Variants in MICAL3 observed in about 807,000 individuals in gnomAD.
MICAL3 encodes the protein [F-actin]-monooxygenase MICAL3.
MICAL3 carries 62 observed loss-of-function variants against 207.4 expected under a neutral mutation model. The ratio of observed to expected loss-of-function variants is 0.30; its 90% CI spans 0.24 to 0.37. MICAL3 has a LOEUF of 0.37. Ranked by LOEUF, MICAL3 falls within the 10% of genes least tolerant of loss-of-function variation. The pLI is 1.00. For synonymous variants in MICAL3, 1,077 were observed against 1,069.3 expected, an observed-to-expected ratio of 1.01 and a Z score of -0.14; for missense variants, 2,368 against 2,635.6, an observed-to-expected ratio of 0.90 and a Z score of 2.22.
At chr22:17,941,760 G>A (rs904865535) in intron 1 of MICAL3, among the ~76,000 whole-genome samples, 2 of 152,162 alleles carry the variant, frequency 1.3e-5, no homozygotes, top group Non-Finnish European at 2.9e-5. Context: ...AATCACTGAC[G>A]AACTTTAAAA....
intron 11 of MICAL3, among the ~76,000 whole-genome samples, chr22:17,893,521 G>GT (rs1376621794): frequency 2.0e-5 from 3 of 152,090 alleles, no homozygotes; most frequent in Non-Finnish European, 4.4e-5. Flanking sequence ...CTGTGCTCTC[G>GT]TAACACCTCA....
chr22:17,849,912 C>T (rs773608216), intron 19 of MICAL3, among the ~76,000 whole-genome samples: 2 of 151,740 alleles, frequency 1.3e-5, no homozygotes, highest in South Asian at 2.1e-4. Context: ...AGGCTGGTCT[C>T]GAACTCCTGA....
chr22:17,956,995 T>C (rs1311612338), intron 1 of MICAL3, among the ~76,000 whole-genome samples: 1 of 152,232 alleles, frequency 6.6e-6, no homozygotes, highest in Non-Finnish European at 1.5e-5. Flanking sequence ...TGTGTGGGTC[T>C]TCCTGAAAGA....
intron 1 of MICAL3, among the ~76,000 whole-genome samples, chr22:17,909,303 C>T (rs779906041): frequency 2.0e-5 from 3 of 152,082 alleles, no homozygotes; most frequent in Non-Finnish European, 4.4e-5. Flanking sequence ...GTGGGTGAAT[C>T]ACTTGAGGTC....
At chr22:17,922,591 G>C (rs142097362) in intron 1 of MICAL3, among the ~76,000 whole-genome samples, 1 of 152,140 alleles carries the variant, frequency 6.6e-6, no homozygotes, top group South Asian at 2.1e-4. Context: ...AAGCTCCCAA[G>C]AGTTAGAATG....
At chr22:17,963,658 A>C (rs1935019207) in intron 1 of MICAL3, among the ~76,000 whole-genome samples, 2 of 152,174 alleles carry the variant, frequency 1.3e-5, no homozygotes, top group Admixed American at 1.3e-4. Context: ...AACGTGCTCC[A>C]TAAGCCATAG....
At chr22:17,996,500 C>G (rs1922294295) in intron 1 of MICAL3, among the ~76,000 whole-genome samples, 1 of 151,726 alleles carries the variant, frequency 6.6e-6, no homozygotes, top group African/African-American at 2.4e-5. Context: ...GTTTCCTGGT[C>G]ATTCTTCCCA....
At chr22:17,899,396 T>G in intron 7 of MICAL3, 52 bp downstream of exon 7, 1 of 1,154,974 alleles carries the variant, frequency 8.7e-7, no homozygotes, top group Non-Finnish European at 1.3e-6. Flanking sequence ...TTTCTCTTGG[T>G]GATATTAACC....
At chr22:17,840,563 TTGCTGCCCCAC>T (rs1923909878) in intron 20 of MICAL3, 1 of 152,260 alleles carries the variant, frequency 6.6e-6, no homozygotes. Flanking sequence ...TTACATGAAC[TTGCTGCCCCAC>T]TGCCTCTCAC....
chr22:17,894,514 G>A (rs1569120682), intron 10 of MICAL3, among the ~76,000 whole-genome samples: 1 of 151,898 alleles, frequency 6.6e-6, no homozygotes, highest in Non-Finnish European at 1.5e-5. Context: ...AAGGCCTAAA[G>A]GTATAAACTT....
intron 19 of MICAL3, among the ~76,000 whole-genome samples, chr22:17,854,048 A>G (rs1227874297): frequency 6.6e-6 from 1 of 152,100 alleles, no homozygotes; most frequent in Non-Finnish European, 1.5e-5. Flanking sequence ...CTCTATCCTG[A>G]TGGCCTCCTC....
chr22:17,978,946 C>T (rs5992940), intron 1 of MICAL3, among the ~76,000 whole-genome samples: 4,326 of 150,850 alleles, frequency 0.029, 165 homozygotes, highest in African/African-American at 0.086. Context: ...GAGGCCAAGG[C>T]GGGAGGACTG....
chr22:18,007,232 C>T (rs977626233), intron 1 of MICAL3: 2 of 152,096 alleles, frequency 1.3e-5, no homozygotes, highest in South Asian at 2.1e-4. Context: ...TAAAAATACC[C>T]ATTACGTTCA....
At chr22:17,974,185 T>A (rs1045930638) in intron 1 of MICAL3, among the ~76,000 whole-genome samples, 4 of 152,146 alleles carry the variant, frequency 2.6e-5, no homozygotes, top group South Asian at 2.1e-4. Context: ...CCCAGCTCCC[T>A]AGGGCTTTGT....
intron 1 of MICAL3, among the ~76,000 whole-genome samples, chr22:17,915,426 GA>G (rs1417889567): frequency 6.6e-6 from 1 of 152,196 alleles, no homozygotes; most frequent in Non-Finnish European, 1.5e-5. Flanking sequence ...AGTCCGAAGG[GA>G]GAGAAATACC....
intron 1 of MICAL3, among the ~76,000 whole-genome samples, chr22:17,935,734 A>G (rs780671774): frequency 9.9e-5 from 15 of 152,212 alleles, no homozygotes; most frequent in Non-Finnish European, 2.1e-4. Context: ...AATTTACAAG[A>G]AAAAAATAAC....
rs2061843985 is a variant in MICAL3, at chr22:17,793,316, G to A, written c.5651-2015C>T. Reference sequence around the variant, plus strand: ...TTTGCTTTCAGTGGTTGTTTGGAAAGGGGCCCGAGGGCACTGGTGTAGATC... The same window carrying A: ...TTTGCTTTCAGTGGTTGTTTGGAAAAGGGCCCGAGGGCACTGGTGTAGATC... On this transcript the variant is annotated intron_variant, in intron 29 of 31. Coordinates refer to ENST00000441493, the MANE Select transcript of MICAL3 (RefSeq NM_015241.3). The surrounding 1 kb of genome is among the most constrained non-coding windows in gnomAD (Gnocchi z 4.1). Among the ~76,000 whole-genome samples the A allele has an allele frequency of 6.6e-6, 1 of 152,240 alleles. No homozygotes were observed. The highest frequency in any genetic ancestry group is 1.5e-5 in the Non-Finnish European group (1 of 68,042).
At chr22:17,828,895 G>A (rs186762107) in intron 21 of MICAL3, among the ~76,000 whole-genome samples, 1 of 152,290 alleles carries the variant, frequency 6.6e-6, no homozygotes, top group East Asian at 1.9e-4. Context: ...CAGACAATCT[G>A]GCCTTGGCTT....
At chr22:17,861,045 T>G (rs1926467541) in intron 19 of MICAL3, 10 of 985,444 alleles carry the variant, frequency 1.0e-5, no homozygotes, top group Middle Eastern at 5.2e-4. Context: ...CAGCTATGGC[T>G]CTTGGGGTAA....
Sources: allele counts gnomAD v4.1 joint callset (sites outside exome capture counted in the v4.1 genomes callset), GRCh38; gene constraint gnomAD v4.1.1; non-coding constraint Gnocchi (gnomAD v3.1); transcripts MANE v1.5; gene names NCBI Gene and HGNC (gene_info 2026-07-23, HGNC 2026-07-21).